The following BOC variants were observed in gnomAD, a reference collection of about 807,000 sequenced individuals.
BOC encodes BOC cell adhesion associated, oncogene regulated.
BOC carries 76 observed loss-of-function variants against 112.0 expected under a neutral mutation model. That is an observed-to-expected ratio of 0.68 (90% confidence interval 0.56 to 0.82). The LOEUF (loss-of-function observed/expected upper bound fraction) is 0.82, where lower values mean the gene tolerates loss of function less well. Ranked by LOEUF, BOC falls within the 40% of genes least tolerant of loss-of-function variation. The pLI is 0.00. For missense variants in BOC, 1,309 were observed against 1,511.7 expected, an observed-to-expected ratio of 0.87 and a Z score of 2.22; for synonymous variants, 580 against 599.8, an observed-to-expected ratio of 0.97 and a Z score of 0.48.
chr3:113,213,363 C>A (rs893467408), intron 1 of BOC, among the ~76,000 whole-genome samples: 1 of 152,198 alleles, frequency 6.6e-6, no homozygotes, highest in Non-Finnish European at 1.5e-5. Context: ...TACACATTGA[C>A]CATTGGATGA....
intron 2 of BOC, among the ~76,000 whole-genome samples, chr3:113,227,386 C>T (rs1405621828): frequency 6.6e-6 from 1 of 152,182 alleles, no homozygotes; most frequent in African/African-American, 2.4e-5. Flanking sequence ...ATGCACAGTC[C>T]TGGGAAAAGC....
intron 2 of BOC, among the ~76,000 whole-genome samples, chr3:113,222,806 C>G (rs1940975475): frequency 6.6e-6 from 1 of 152,246 alleles, no homozygotes; most frequent in Non-Finnish European, 1.5e-5. Flanking sequence ...TGCCGCCCTC[C>G]TCCCTTAGCA....
intron 6 of BOC, chr3:113,272,158 T>A (rs1255007292): frequency 7.0e-6 from 4 of 570,804 alleles, no homozygotes; most frequent in Non-Finnish European, 1.3e-5. Context: ...GCATATGTTA[T>A]GTTGATGCTG....
intron 1 of BOC, among the ~76,000 whole-genome samples, chr3:113,215,387 CTG>C (rs1939160469): frequency 6.6e-6 from 1 of 152,158 alleles, no homozygotes; most frequent in Admixed American, 6.5e-5. Context: ...GGTTAGGAAA[CTG>C]GGGTTGGAAT....
chr3:113,239,008 G>A (rs188136642), intron 2 of BOC, among the ~76,000 whole-genome samples: 3 of 152,292 alleles, frequency 2.0e-5, no homozygotes, highest in East Asian at 3.9e-4. Context: ...CAATAAATTA[G>A]CCACTAGCCC....
chr3:113,224,702 G>T (rs572502793), intron 2 of BOC, among the ~76,000 whole-genome samples: 88 of 152,270 alleles, frequency 5.8e-4, no homozygotes, highest in African/African-American at 1.9e-3. Flanking sequence ...GCTCATGCCT[G>T]TAATCTCAGC....
chr3:113,275,535 A>G (rs565393074), intron 9 of BOC, among the ~76,000 whole-genome samples: 2 of 152,362 alleles, frequency 1.3e-5, no homozygotes, highest in South Asian at 2.1e-4. Context: ...CACTCCAAGT[A>G]TATGCCATTT....
rs573133072 is a variant in BOC, at chr3:113,276,836, T to G, written c.1543-1259T>G. Among the ~76,000 whole-genome samples, 131 of 152,216 alleles carry G rather than the reference T, an allele frequency of 8.6e-4. 1 individual carries two copies. The highest frequency in any genetic ancestry group is 3.1e-3 in the African/African-American group (127 of 41,526). On this transcript the variant is annotated intron_variant, in intron 9 of 19. Transcript: ENST00000682979. ...CCATTCCTGTGCCTTGAATGGTAGGTTTTGTTCGACTTTGGAATATTCTGC... is the reference window on the plus strand; with the variant it reads ...CCATTCCTGTGCCTTGAATGGTAGGGTTTGTTCGACTTTGGAATATTCTGC...
intron 6 of BOC, chr3:113,272,039 C>T: frequency 4.1e-6 from 1 of 246,142 alleles, no homozygotes; most frequent in Non-Finnish European, 7.9e-6. Flanking sequence ...ATCTCATCTT[C>T]AGCCTCACAG....
At chr3:113,271,188 G>A (rs1429023285) in intron 6 of BOC, 4 of 677,004 alleles carry the variant, frequency 5.9e-6, no homozygotes, top group African/African-American at 3.5e-5. Flanking sequence ...CTGCCTGATG[G>A]GAGGTTTCCT....
chr3:113,254,280 G>A (rs919220460), intron 4 of BOC, among the ~76,000 whole-genome samples: 11 of 152,124 alleles, frequency 7.2e-5, no homozygotes, highest in African/African-American at 2.7e-4. Flanking sequence ...AAAATGTTTG[G>A]GCCTGACTAG....
At chr3:113,239,203 C>T (rs61586075) in intron 2 of BOC, among the ~76,000 whole-genome samples, 61,089 of 151,924 alleles carry the variant, frequency 0.4, 13,609 homozygotes, top group East Asian at 0.6. Flanking sequence ...ATTATCTTCA[C>T]CTGTTTTTTT....
intron 9 of BOC, among the ~76,000 whole-genome samples, chr3:113,275,494 G>GT (rs1413330400): frequency 1.6e-4 from 24 of 152,346 alleles, no homozygotes; most frequent in African/African-American, 5.8e-4. Flanking sequence ...GAAATTCCCT[G>GT]TAAGAAAATG....
chr3:113,232,041 C>A (rs1331677923), intron 2 of BOC, among the ~76,000 whole-genome samples: 1 of 152,148 alleles, frequency 6.6e-6, no homozygotes, highest in Non-Finnish European at 1.5e-5. Context: ...ATGGCAGAAC[C>A]TCAGCAGGGG....
intron 12 of BOC, 48 bp downstream of exon 12, chr3:113,279,503 C>G: frequency 3.2e-6 from 5 of 1,564,874 alleles, no homozygotes; most frequent in Non-Finnish European, 4.4e-6. Flanking sequence ...CCCAGCTGCC[C>G]CTTTCCGCCT....
At chr3:113,244,627 C>G (rs1944682570) in intron 2 of BOC, among the ~76,000 whole-genome samples, 2 of 152,050 alleles carry the variant, frequency 1.3e-5, no homozygotes, top group Admixed American at 6.5e-5. Flanking sequence ...ACTTCATAGC[C>G]CTGAGTGGCT....
At chr3:113,264,758 T>A (rs916022280) in intron 4 of BOC, among the ~76,000 whole-genome samples, 2 of 152,178 alleles carry the variant, frequency 1.3e-5, no homozygotes, top group African/African-American at 4.8e-5. Flanking sequence ...GAAACTCAAG[T>A]TTTACTCAAG....
chr3:113,249,728 G>A lies in BOC; in HGVS notation c.-75G>A, dbSNP rs374681652. ...CCTTTCTCTCTTACAACAGAGTGTTGCCAGGGACGGCAGTATCTCTTTGTG... is the reference window on the plus strand; with the variant it reads ...CCTTTCTCTCTTACAACAGAGTGTTACCAGGGACGGCAGTATCTCTTTGTG... On this transcript the variant is annotated 5_prime_UTR_variant, in exon 3 of 20. Transcript: ENST00000682979. 4.2e-5 allele frequency: 52 copies of A among 1,251,392 alleles called. No individual in the cohort carries two copies. In the African/African-American group the frequency reaches 6.8e-4, roughly 16 times the overall value. 77.5% of individuals were successfully genotyped at this position (1,251,392 alleles called of 1,614,324 possible).
At chr3:113,284,270 G>A in intron 16 of BOC, 65 bp from the exon 17 acceptor site, 1 of 1,392,760 alleles carries the variant, frequency 7.2e-7, no homozygotes. Flanking sequence ...GATCCTTGTG[G>A]GGCTTTTCCA....
Sources: gnomAD v4.1 joint callset for allele counts (sites outside exome capture counted in the v4.1 genomes callset) on GRCh38, gnomAD v4.1.1 for gene constraint, MANE v1.5 for transcripts, NCBI Gene and HGNC (gene_info 2026-07-23, HGNC 2026-07-21) for gene names.